Variants in ARHGAP24 observed in about 807,000 individuals in gnomAD.
ARHGAP24 encodes rho GTPase-activating protein 24.
In ARHGAP24, 50 loss-of-function variants were observed where a neutral mutation model predicts 76.4. That is an observed-to-expected ratio of 0.65 (90% CI 0.52 to 0.83). The LOEUF (loss-of-function observed/expected upper bound fraction) is 0.83. Among genes scored for constraint, ARHGAP24 ranks in the 40% least tolerant of loss-of-function variants. The probability of loss-of-function intolerance (pLI) is 0.00; values close to 1 mark genes in which losing one functional copy is unlikely to be tolerated. For missense variants in ARHGAP24, 930 were observed against 914.2 expected, an observed-to-expected ratio of 1.02 and a Z score of -0.22; for synonymous variants, 345 against 323.3, an observed-to-expected ratio of 1.07 and a Z score of -0.72.
intron 1 of ARHGAP24, among the ~76,000 whole-genome samples, chr4:85,520,958 A>G (rs1724719247): frequency 6.6e-6 from 1 of 152,216 alleles, no homozygotes; most frequent in Non-Finnish European, 1.5e-5. Context: ...ATGTGAGAGC[A>G]GAGAAGTTGA....
intron 3 of ARHGAP24, among the ~76,000 whole-genome samples, chr4:85,754,469 C>T (rs571292865): frequency 6.6e-6 from 1 of 152,284 alleles, no homozygotes; most frequent in East Asian, 1.9e-4. Context: ...TTTTCTCATG[C>T]ATTGTCCTTA....
chr4:85,947,447 A>G (rs1414278829), intron 5 of ARHGAP24, among the ~76,000 whole-genome samples: 2 of 152,202 alleles, frequency 1.3e-5, no homozygotes, highest in Non-Finnish European at 2.9e-5. Context: ...AATCCTATTC[A>G]TGAAGACAGA....
chr4:85,485,400 T>A (rs1723008580), intron 1 of ARHGAP24, among the ~76,000 whole-genome samples: 2 of 113,414 alleles, frequency 1.8e-5, no homozygotes, highest in African/African-American at 7.0e-5. Context: ...TATATATATA[T>A]ATATATATAT....
chr4:85,610,116 C>A (rs1290896785), intron 2 of ARHGAP24, among the ~76,000 whole-genome samples: 4 of 152,068 alleles, frequency 2.6e-5, no homozygotes, highest in African/African-American at 9.7e-5. Context: ...TCAGGTCTAG[C>A]AGAGCGTTTG....
chr4:85,948,350 T>C (rs1737409017), intron 5 of ARHGAP24, among the ~76,000 whole-genome samples: 1 of 152,168 alleles, frequency 6.6e-6, no homozygotes, highest in Non-Finnish European at 1.5e-5. Context: ...CATGAGACAA[T>C]AATGAGTTTC....
At chr4:85,748,208 T>C (rs1266310717) in intron 3 of ARHGAP24, among the ~76,000 whole-genome samples, 1 of 152,254 alleles carries the variant, frequency 6.6e-6, no homozygotes, top group Non-Finnish European at 1.5e-5. Flanking sequence ...CCTACCTCTA[T>C]GCATGTTGAC....
intron 2 of ARHGAP24, among the ~76,000 whole-genome samples, chr4:85,716,721 A>T (rs996546407): frequency 7.2e-5 from 11 of 152,236 alleles, no homozygotes; most frequent in Non-Finnish European, 7.4e-5. Flanking sequence ...TAAAAAAAAA[A>T]TTTACCAAGT....
intron 9 of ARHGAP24, 60 bp downstream of exon 9, chr4:85,995,717 A>G: frequency 6.7e-7 from 1 of 1,482,014 alleles, no homozygotes; most frequent in Non-Finnish European, 9.4e-7. Flanking sequence ...CTACTGTGGG[A>G]CAGGATCACA....
intron 1 of ARHGAP24, among the ~76,000 whole-genome samples, chr4:85,484,211 C>T (rs951128020): frequency 6.6e-6 from 1 of 152,116 alleles, no homozygotes. Context: ...GTACCTTCTT[C>T]TAGAACTATA....
At chr4:85,877,628 T>A (rs373112405) in intron 3 of ARHGAP24, among the ~76,000 whole-genome samples, 5 of 141,494 alleles carry the variant, frequency 3.5e-5, no homozygotes, top group Non-Finnish European at 3.1e-5. Flanking sequence ...TTATCTTAAT[T>A]AAAAAAAAAA....
intron 3 of ARHGAP24, among the ~76,000 whole-genome samples, chr4:85,887,786 T>G (rs982838867): frequency 6.6e-6 from 1 of 152,326 alleles, no homozygotes; most frequent in South Asian, 2.1e-4. Flanking sequence ...TATGTACTTA[T>G]GTCATGTACC....
chr4:85,745,849 C>G (rs747511520), intron 3 of ARHGAP24, among the ~76,000 whole-genome samples: 3 of 152,110 alleles, frequency 2.0e-5, no homozygotes, highest in Non-Finnish European at 4.4e-5. Flanking sequence ...CTATAAGTTT[C>G]CAAGTTCTGC....
At position 85,977,833 on chromosome 4, in the gene ARHGAP24, G is replaced by A. The variant is rs144246833; in HGVS notation, c.928+142G>A. On this transcript the variant is annotated intron_variant, in intron 8 of 9. Transcript: ENST00000395184. ...GTTTATTAACTGAAGTTCTTTAAAT[G>A]TAAAAATCTTCCTTTTGAAAGTCAG... 101 of 1,038,238 alleles carry A rather than the reference G, an allele frequency of 9.7e-5. No homozygotes were observed. The African/African-American group carries it at 1.5e-3, about 15-fold the overall frequency. 64.3% of individuals were successfully genotyped at this position (1,038,238 alleles called of 1,614,324 possible). A position where few individuals can be genotyped will look rare whatever the true frequency, so the allele number is the denominator to read the frequency against.
chr4:85,604,317 T>C (rs948997880), intron 2 of ARHGAP24: 1 of 152,242 alleles, frequency 6.6e-6, no homozygotes, highest in Non-Finnish European at 1.5e-5. Context: ...AGTATATCTT[T>C]AACAAGATCT....
intron 3 of ARHGAP24, among the ~76,000 whole-genome samples, chr4:85,750,491 T>A (rs2110066305): frequency 3.1e-5 from 1 of 32,108 alleles, no homozygotes; most frequent in South Asian, 1.1e-3. Context: ...ATTCCTTTTT[T>A]TTTTTTTTTT....
intron 3 of ARHGAP24, among the ~76,000 whole-genome samples, chr4:85,730,422 T>G (rs1047435042): frequency 6.9e-6 from 1 of 145,880 alleles, no homozygotes; most frequent in Non-Finnish European, 1.5e-5. Flanking sequence ...TGTTTTGTTT[T>G]TTGAGACAGG....
At chr4:85,775,117 A>T (rs1727263710) in intron 3 of ARHGAP24, among the ~76,000 whole-genome samples, 1 of 152,200 alleles carries the variant, frequency 6.6e-6, no homozygotes, top group Non-Finnish European at 1.5e-5. Flanking sequence ...AGACATGGAA[A>T]GGGCTATGAA....
chr4:85,985,792 A>G (rs1025950294), intron 8 of ARHGAP24, among the ~76,000 whole-genome samples: 1 of 152,204 alleles, frequency 6.6e-6, no homozygotes, highest in Non-Finnish European at 1.5e-5. Flanking sequence ...TGTGCATTTT[A>G]TACATGCACA....
chr4:85,986,551 A>C (rs1740010761), intron 8 of ARHGAP24, among the ~76,000 whole-genome samples: 1 of 152,184 alleles, frequency 6.6e-6, no homozygotes. Flanking sequence ...AAATGCAAGC[A>C]AAATCCAGGT....
Sources: allele counts gnomAD v4.1 joint callset (sites outside exome capture counted in the v4.1 genomes callset), GRCh38; gene constraint gnomAD v4.1.1; transcripts MANE v1.5; gene names NCBI Gene and HGNC (gene_info 2026-07-23, HGNC 2026-07-21).